PRKDC: variants seen among roughly 807,000 people sequenced by gnomAD.
The protein encoded by PRKDC is DNA-dependent protein kinase catalytic subunit.
Under a neutral mutation model 486.9 loss-of-function variants are expected in PRKDC, and 82 were observed. That is an observed-to-expected ratio of 0.17 (90% confidence interval 0.14 to 0.20). The LOEUF (loss-of-function observed/expected upper bound fraction) is 0.20. PRKDC is among the 10% of genes least tolerant of loss of function. PRKDC has a pLI of 1.00. For synonymous variants in PRKDC, 1,895 were observed against 1,837.0 expected, an observed-to-expected ratio of 1.03 and a Z score of -0.81; for missense variants, 4,504 against 5,038.2, an observed-to-expected ratio of 0.89 and a Z score of 3.21.
chr8:47,830,541 G>A, intron 61 of PRKDC, 64 bp downstream of exon 61: 2 of 1,585,164 alleles, frequency 1.3e-6, no homozygotes, highest in Non-Finnish European at 8.6e-7. Context: ...CCTCACATAG[G>A]CAAACCCCTG....
In PRKDC at chr8:47,858,771, T is replaced by C. The variant is rs1310596194; in HGVS notation, c.6345+78A>G. 3 of 1,518,340 alleles carry C rather than the reference T, an allele frequency of 2.0e-6. No individual in the cohort carries two copies. The East Asian group carries it at 6.9e-5, about 35-fold the overall frequency. 94.1% of individuals were successfully genotyped at this position (1,518,340 alleles called of 1,614,324 possible). A position where few individuals can be genotyped will look rare whatever the true frequency, so the allele number is the denominator to read the frequency against. ...TTATTTGATAAGCAGTTTGGTTTTGTTTTCAATATTAAATGTTCATTCTCA... is the reference window on the plus strand; with the variant it reads ...TTATTTGATAAGCAGTTTGGTTTTGCTTTCAATATTAAATGTTCATTCTCA... On this transcript the variant is annotated intron_variant, in intron 47 of 85. Transcript: ENST00000314191.
At chr8:47,886,295 T>G (rs943357212) in intron 35 of PRKDC, 148 bp from the exon 36 acceptor site, 2 of 578,586 alleles carry the variant, frequency 3.5e-6, no homozygotes, top group Admixed American at 6.9e-5. Context: ...AAGCTGAAAT[T>G]GTATATATTT....
intron 38 of PRKDC, among the ~76,000 whole-genome samples, chr8:47,881,017 A>C (rs2089202305): frequency 6.6e-6 from 1 of 151,334 alleles, no homozygotes; most frequent in South Asian, 2.1e-4. Flanking sequence ...ACTGTACTTC[A>C]GCCTGGGTGA....
At chr8:47,910,154 T>C (rs748069182) in intron 25 of PRKDC, among the ~76,000 whole-genome samples, 1 of 152,132 alleles carries the variant, frequency 6.6e-6, no homozygotes, top group African/African-American at 2.4e-5. Context: ...TTAGGGAAAA[T>C]AGAAAAGAAC....
In PRKDC at chr8:47,858,522, T is replaced by G. The variant is rs1015672207; in HGVS notation, c.6459A>C (p.Thr2153=). 38 of 1,501,468 alleles carry G rather than the reference T, an allele frequency of 2.5e-5. No homozygotes were observed. Among genetic ancestry groups the G allele is most frequent in the Non-Finnish European group, 3.3e-5 (37 of 1,109,340 alleles). 93.0% of individuals were successfully genotyped at this position (1,501,468 alleles called of 1,614,324 possible). A position where few individuals can be genotyped will look rare whatever the true frequency, so the allele number is the denominator to read the frequency against. Residue 2153 remains threonine (T), a synonymous_variant, in exon 48 of 86, where the codon ACA becomes ACC. Transcript: ENST00000314191. ...GAAATAATCAATTACTTACCTCTTC[T>G]GTATTAATAACAAGCTTGGCTAAGA... is the stretch of plus-strand genomic sequence containing the variant. ...RLFLAKLVIN[T]EEVFRPYAKH...
chr8:47,808,571 C>A (rs947053053), intron 68 of PRKDC, among the ~76,000 whole-genome samples: 9 of 152,072 alleles, frequency 5.9e-5, no homozygotes, highest in South Asian at 2.1e-4. Context: ...AATTCCTGGG[C>A]TCAAGCAATC....
chr8:47,878,467 G>C (rs2089137944), intron 39 of PRKDC, among the ~76,000 whole-genome samples: 1 of 152,056 alleles, frequency 6.6e-6, no homozygotes, highest in South Asian at 2.1e-4. Flanking sequence ...GAGAGTACAT[G>C]GAGACGTGCC....
chr8:47,898,399 G>C (rs1589775798), intron 29 of PRKDC, 71 bp downstream of exon 29: 1 of 1,226,114 alleles, frequency 8.2e-7, no homozygotes, highest in East Asian at 2.6e-5. Context: ...TCCATCCCAG[G>C]TTGTCCTTCA....
intron 23 of PRKDC, 105 bp from the exon 24 acceptor site, chr8:47,914,169 A>G: frequency 1.0e-6 from 1 of 991,696 alleles, no homozygotes. Context: ...TCTACATTCT[A>G]TTAAAGTGAA....
chr8:47,882,498 T>A (rs937698511), intron 36 of PRKDC, among the ~76,000 whole-genome samples: 3 of 151,704 alleles, frequency 2.0e-5, no homozygotes, highest in African/African-American at 7.3e-5. Flanking sequence ...TGTACATGCA[T>A]GCACAAGCAC....
At chr8:47,824,343 G>A (rs777011846) in intron 63 of PRKDC, among the ~76,000 whole-genome samples, 14 of 151,616 alleles carry the variant, frequency 9.2e-5, no homozygotes, top group Non-Finnish European at 1.9e-4. Context: ...GCATGGTGGC[G>A]CATGCCTGTA....
intron 66 of PRKDC, 147 bp downstream of exon 66, chr8:47,820,572 A>G (rs1028976349): frequency 7.4e-6 from 3 of 405,286 alleles, no homozygotes; most frequent in African/African-American, 6.2e-5. Flanking sequence ...GTATGAAAAT[A>G]GTACTTGAAA....
chr8:47,900,545 A>G (rs1421137282), intron 27 of PRKDC, 78 bp from the exon 28 acceptor site: 5 of 1,312,984 alleles, frequency 3.8e-6, no homozygotes, highest in African/African-American at 1.5e-5. Flanking sequence ...GAATGGAATT[A>G]AAGAAGGCAC....
intron 69 of PRKDC, among the ~76,000 whole-genome samples, chr8:47,805,480 G>A (rs2087199116): frequency 6.6e-6 from 1 of 152,114 alleles, no homozygotes; most frequent in Non-Finnish European, 1.5e-5. Flanking sequence ...TAATTGGGTT[G>A]TTTGACTCTT....
intron 22 of PRKDC, 39 bp downstream of exon 22, chr8:47,918,238 G>C: frequency 7.5e-7 from 1 of 1,331,754 alleles, no homozygotes; most frequent in Non-Finnish European, 1.0e-6. Flanking sequence ...TCTGATCTCT[G>C]CATTATGTAA....
At chr8:47,866,607 CATAAT>C (rs1481307463) in intron 40 of PRKDC, among the ~76,000 whole-genome samples, 1 of 152,094 alleles carries the variant, frequency 6.6e-6, no homozygotes. Flanking sequence ...TGACTTTACT[CATAAT>C]AAAAGAAAAA....
At chr8:47,840,758 G>A (rs769959140) in intron 54 of PRKDC, among the ~76,000 whole-genome samples, 1 of 152,180 alleles carries the variant, frequency 6.6e-6, no homozygotes, top group Non-Finnish European at 1.5e-5. Context: ...CCAGCTGAAT[G>A]CTTCATACAG....
chr8:47,818,032 T>G lies in PRKDC; in HGVS notation c.9446-471A>C, dbSNP rs116040223. Among the ~76,000 whole-genome samples, 731 of 152,306 alleles carry G rather than the reference T, an allele frequency of 4.8e-3. 7 individuals are homozygous for G. Among genetic ancestry groups the G allele is most frequent in the African/African-American group, 0.017 (693 of 41,572 alleles). ...GCATGTACACAGGTAATATTTCTAGTGTCCAAAACATTCTGGCCTCAAAGG... is the reference window on the plus strand; with the variant it reads ...GCATGTACACAGGTAATATTTCTAGGGTCCAAAACATTCTGGCCTCAAAGG... On this transcript the variant is annotated intron_variant, in intron 67 of 85. Coordinates refer to ENST00000314191, the MANE Select transcript of PRKDC (RefSeq NM_006904.7).
chr8:47,917,109 G>T (rs2089997766), intron 22 of PRKDC, among the ~76,000 whole-genome samples: 1 of 152,086 alleles, frequency 6.6e-6, no homozygotes, highest in Non-Finnish European at 1.5e-5. Context: ...ACAAAAATTA[G>T]CTGGGCATAG....
Sources: allele counts gnomAD v4.1 joint callset (sites outside exome capture counted in the v4.1 genomes callset), GRCh38; gene constraint gnomAD v4.1.1; transcripts MANE v1.5; gene names NCBI Gene and HGNC (gene_info 2026-07-23, HGNC 2026-07-21).